The following KCNQ4 variants were observed in gnomAD, a reference collection of about 807,000 sequenced individuals.
KCNQ4 encodes potassium voltage-gated channel subfamily Q member 4, also known as potassium voltage-gated channel subfamily KQT member 4.
In KCNQ4, 31 loss-of-function variants were observed where a neutral mutation model predicts 72.6. The ratio of observed to expected loss-of-function variants is 0.43; its 90% CI spans 0.32 to 0.58. The LOEUF is 0.58. KCNQ4 is among the 20% of genes least tolerant of loss of function. KCNQ4 has a pLI of 0.08. For missense variants in KCNQ4, 869 were observed against 962.6 expected (o/e 0.90, Z 1.29); for synonymous variants, 405 against 403.7 (o/e 1.00, Z -0.04).
At chr1:40,796,924 A>AATC (rs1647431394) in intron 1 of KCNQ4, among the ~76,000 whole-genome samples, 1 of 136,744 alleles carries the variant, frequency 7.3e-6, no homozygotes, top group Non-Finnish European at 1.7e-5. Flanking sequence ...TCAAATAAAT[A>AATC]AATAAATAAA....
At chr1:40,832,005 C>A (rs1404917834) in intron 10 of KCNQ4, among the ~76,000 whole-genome samples, 1 of 152,244 alleles carries the variant, frequency 6.6e-6, no homozygotes, top group Admixed American at 6.5e-5. Flanking sequence ...TCACCCAGCC[C>A]AGGCTGCAAG....
At chr1:40,797,259 G>C (rs1647441836) in intron 1 of KCNQ4, among the ~76,000 whole-genome samples, 2 of 152,256 alleles carry the variant, frequency 1.3e-5, no homozygotes, top group Admixed American at 6.5e-5. Flanking sequence ...TCTGGGCATG[G>C]CTGGGAAGGC....
intron 8 of KCNQ4, among the ~76,000 whole-genome samples, chr1:40,823,234 G>A (rs1648361897): frequency 6.6e-6 from 1 of 152,214 alleles, no homozygotes; most frequent in African/African-American, 2.4e-5. Flanking sequence ...GGAGAAGCAG[G>A]AGAGAAGGGG....
chr1:40,823,962 T>C, intron 8 of KCNQ4, 135 bp from the exon 9 acceptor site: 1 of 997,560 alleles, frequency 1.0e-6, no homozygotes, highest in Non-Finnish European at 1.5e-6. Context: ...CCCTGTCCTA[T>C]TCTGGCCGGG....
intron 1 of KCNQ4, among the ~76,000 whole-genome samples, chr1:40,789,100 G>C (rs1647234453): frequency 6.6e-6 from 1 of 152,208 alleles, no homozygotes; most frequent in Non-Finnish European, 1.5e-5. Flanking sequence ...GCCCTTGCGG[G>C]TCTGTGTGTA....
chr1:40,806,984 G>C lies in KCNQ4; in HGVS notation c.315-10281G>C, dbSNP rs542585856. On this transcript the variant is annotated intron_variant, in intron 1 of 13. Coordinates refer to ENST00000347132, the MANE Select transcript of KCNQ4 (RefSeq NM_004700.4). ...CAGGGCTGTCATGTGTCGCTCTGCA[G>C]TCTGGGCGCCACAAAGGGGCCGGCT... 2.0e-5 allele frequency among the ~76,000 whole-genome samples: 3 copies of C among 152,338 alleles called. No homozygotes were observed. In the South Asian group the frequency reaches 6.2e-4, roughly 32 times the overall value.
intron 1 of KCNQ4, among the ~76,000 whole-genome samples, chr1:40,807,421 G>A (rs553707433): frequency 1.1e-3 from 170 of 152,288 alleles, no homozygotes; most frequent in Non-Finnish European, 1.9e-3. Context: ...AAGCAGCAGC[G>A]GCAGTGGCGG....
At chr1:40,808,196 G>C (rs1300496838) in intron 1 of KCNQ4, among the ~76,000 whole-genome samples, 1 of 152,078 alleles carries the variant, frequency 6.6e-6, no homozygotes, top group Non-Finnish European at 1.5e-5. Flanking sequence ...GGAAAGACGA[G>C]GGAAGGAAGG....
At chr1:40,827,157 T>G (rs1254875987) in intron 9 of KCNQ4, among the ~76,000 whole-genome samples, 1 of 152,208 alleles carries the variant, frequency 6.6e-6, no homozygotes, top group East Asian at 1.9e-4. Flanking sequence ...ACCCCAGCTC[T>G]TTTAGCGGCA....
At chr1:40,826,830 C>G (rs1350637414) in intron 9 of KCNQ4, 1 of 356,152 alleles carries the variant, frequency 2.8e-6, no homozygotes. Context: ...GCCCAGTGAA[C>G]CCCTCGCCTT....
chr1:40,831,094 G>A lies in KCNQ4; in HGVS notation c.1303G>A (p.Gly435Ser). The A allele has an allele frequency of 6.3e-7, 1 of 1,593,508 alleles. No homozygotes were observed. The highest frequency in any genetic ancestry group is 8.5e-7 in the Non-Finnish European group (1 of 1,169,872). ...TGCCTGCCCTGCCAGCAGCCGGATG[G>A]GCATCAAAGACCGCATCCGCATGGG... ...SFCPGESSRMGIKDRIRMGSS... is the reference protein window; with the variant it reads ...SFCPGESSRMSIKDRIRMGSS... The change falls in exon 10 of 14, where the codon GGC becomes AGC. Residue 435 changes from glycine to serine, a missense_variant. Physicochemically the swap from Gly to Ser is moderately conservative, Grantham distance 56. Coordinates refer to ENST00000347132, the MANE Select transcript of KCNQ4 (RefSeq NM_004700.4).
chr1:40,828,649 C>T (rs1431643344), intron 9 of KCNQ4, among the ~76,000 whole-genome samples: 1 of 152,208 alleles, frequency 6.6e-6, no homozygotes, highest in African/African-American at 2.4e-5. Flanking sequence ...TAAAGACCGC[C>T]CACCACACAC....
At chr1:40,809,827 G>A (rs1039184048) in intron 1 of KCNQ4, among the ~76,000 whole-genome samples, 2 of 152,176 alleles carry the variant, frequency 1.3e-5, no homozygotes, top group African/African-American at 4.8e-5. Context: ...CACTTTGGGA[G>A]GCCGAGGCAG....
chr1:40,815,620 G>A (rs1648063120), intron 1 of KCNQ4, among the ~76,000 whole-genome samples: 1 of 152,184 alleles, frequency 6.6e-6, no homozygotes, highest in South Asian at 2.1e-4. Flanking sequence ...CGAGGAATAA[G>A]CTCTTCTCGA....
At chr1:40,824,727 G>A (rs1315456365) in intron 9 of KCNQ4, among the ~76,000 whole-genome samples, 1 of 152,172 alleles carries the variant, frequency 6.6e-6, no homozygotes, top group Non-Finnish European at 1.5e-5. Context: ...GAGGGACTTA[G>A]TACTGAACTC....
intron 12 of KCNQ4, among the ~76,000 whole-genome samples, chr1:40,836,485 C>T (rs1223725269): frequency 1.3e-5 from 2 of 151,994 alleles, no homozygotes; most frequent in African/African-American, 2.4e-5. Context: ...AGCAGAAGTA[C>T]AGGATGGAGA....
intron 1 of KCNQ4, among the ~76,000 whole-genome samples, chr1:40,807,872 G>A (rs564456871): frequency 3.9e-5 from 6 of 152,252 alleles, no homozygotes; most frequent in East Asian, 3.9e-4. Flanking sequence ...AAAGAGTCAC[G>A]CGCTCCCCAG....
intron 9 of KCNQ4, among the ~76,000 whole-genome samples, 191 bp from the exon 10 acceptor site, chr1:40,830,893 A>G (rs1648621395): frequency 6.6e-6 from 1 of 151,836 alleles, no homozygotes; most frequent in African/African-American, 2.4e-5. Flanking sequence ...GCTTCGACTG[A>G]CCCCGAATCA....
chr1:40,831,993 C>T (rs186514313), intron 10 of KCNQ4, among the ~76,000 whole-genome samples: 2 of 152,354 alleles, frequency 1.3e-5, no homozygotes, highest in South Asian at 2.1e-4. Flanking sequence ...TCCTACCCCT[C>T]TTCACCCAGC....
Sources: gnomAD v4.1 joint callset for allele counts (sites outside exome capture counted in the v4.1 genomes callset) on GRCh38, gnomAD v4.1.1 for gene constraint, MANE v1.5 for transcripts, NCBI Gene and HGNC (gene_info 2026-07-23, HGNC 2026-07-21) for gene names.